HMCN2: variants seen among roughly 807,000 people sequenced by gnomAD.
HMCN2 encodes the protein hemicentin 2.
HMCN2 carries 325 observed loss-of-function variants against 377.5 expected under a neutral mutation model. The ratio of observed to expected loss-of-function variants is 0.86; its 90% CI spans 0.79 to 0.94. HMCN2 has a LOEUF of 0.94. Ranked by LOEUF, HMCN2 falls within the 40% of genes least tolerant of loss-of-function variation. The probability of loss-of-function intolerance (pLI) is 0.00; values close to 1 mark genes in which losing one functional copy is unlikely to be tolerated. For missense variants in HMCN2, 4,543 were observed against 4,725.3 expected (o/e 0.96, Z 1.13); for synonymous variants, 2,007 against 2,046.8 (o/e 0.98, Z 0.53).
intron 25 of HMCN2, among the ~76,000 whole-genome samples, chr9:130,345,289 ACG>A: frequency 8.8e-6 from 1 of 113,640 alleles, no homozygotes; most frequent in Middle Eastern, 8.9e-3. Flanking sequence ...TATGGTGTGT[ACG>A]TGGTGTGTGG....
intron 7 of HMCN2, among the ~76,000 whole-genome samples, chr9:130,298,824 A>G (rs1349314125): frequency 1.3e-5 from 2 of 152,112 alleles, no homozygotes; most frequent in Non-Finnish European, 2.9e-5. Flanking sequence ...GTGTTTCAGC[A>G]CCACGGACAG....
chr9:130,287,329 G>A (rs541782625), intron 4 of HMCN2, among the ~76,000 whole-genome samples: 7 of 151,832 alleles, frequency 4.6e-5, no homozygotes, highest in African/African-American at 7.3e-5. Flanking sequence ...GCTCCTCCCC[G>A]CCCGGGGCCT....
Position 130,354,918 on chromosome 9 carries a change from C to A in HMCN2, c.5020C>A (p.Arg1674=), listed in dbSNP as rs1481006817. ...GCCCGTGGCAGAGAGCAACGAGTCG[C>A]GGCTGGAGACAGACGGGAGTGTGCT... The part of the protein sequence containing the change: ...GLPVAESNES[R]LETDGSVLRL... Residue 1674 remains arginine (R), a synonymous_variant, in exon 32 of 98, where the codon CGG becomes AGG. Coordinates refer to ENST00000683500, the MANE Select transcript of HMCN2 (RefSeq NM_001291815.2). The A allele has an allele frequency of 7.7e-7, 1 of 1,304,024 alleles. No individual in the cohort carries two copies. The highest frequency in any genetic ancestry group is 2.3e-5 in the Admixed American group (1 of 43,578). 80.8% of individuals were successfully genotyped at this position (1,304,024 alleles called of 1,614,324 possible). A position where few individuals can be genotyped will look rare whatever the true frequency, so the allele number is the denominator to read the frequency against.
intron 2 of HMCN2, 67 bp downstream of exon 2, chr9:130,284,740 G>A: frequency 4.3e-6 from 2 of 466,624 alleles, no homozygotes; most frequent in African/African-American, 2.0e-5. Flanking sequence ...GTTTGGGGAG[G>A]TAGCTTCGAG....
In HMCN2 at chr9:130,281,371, G is replaced by A. The variant is rs190936131; in HGVS notation, c.260-3232G>A. On this transcript the variant is annotated intron_variant, in intron 1 of 97. Transcript: ENST00000683500. ...AGCACTTTGGGAGGCCGAGGCAAGT[G>A]TATCACATGAGTCCAAGAGTTTGAG... 6.6e-4 allele frequency among the ~76,000 whole-genome samples: 101 copies of A among 152,228 alleles called. 1 individual carries two copies. Among genetic ancestry groups the A allele is most frequent in the Middle Eastern group, 3.4e-3 (1 of 294 alleles).
Position 130,303,154 on chromosome 9 carries a change from C to T in HMCN2, c.1421+153C>T, listed in dbSNP as rs1554935170. On this transcript the variant is annotated intron_variant, in intron 9 of 97. Transcript: ENST00000683500. The surrounding 1 kb of genome is among the most constrained non-coding windows in gnomAD (Gnocchi z 5.2). ...CCCAGCCTGGGACTTCCAGTGCAGC[C>T]AGGGATGGAGAGGAGTTTTTCCGAG... 6.6e-6 allele frequency among the ~76,000 whole-genome samples: 1 copy of T among 152,140 alleles called. No individual in the cohort carries two copies. Among genetic ancestry groups the T allele is most frequent in the Non-Finnish European group, 1.5e-5 (1 of 68,022 alleles).
intron 62 of HMCN2, among the ~76,000 whole-genome samples, chr9:130,389,194 T>C (rs1842173878): frequency 6.6e-6 from 1 of 152,172 alleles, no homozygotes; most frequent in Non-Finnish European, 1.5e-5. Context: ...CTGTGCTGGC[T>C]CCTCGAACCT....
At chr9:130,399,443 C>T in intron 75 of HMCN2, 68 bp from the exon 76 acceptor site, 1 of 1,198,082 alleles carries the variant, frequency 8.3e-7, no homozygotes, top group South Asian at 1.5e-5. Flanking sequence ...GAGACCCCCA[C>T]AGCCAGAAAG....
At chr9:130,374,771 C>A in intron 49 of HMCN2, 78 bp downstream of exon 49, 2 of 700,344 alleles carry the variant, frequency 2.9e-6, no homozygotes, top group Non-Finnish European at 3.5e-6. Flanking sequence ...TTACAGACAA[C>A]TTCCCACAAA....
intron 1 of HMCN2, among the ~76,000 whole-genome samples, chr9:130,268,081 T>A (rs1039894002): frequency 5.3e-5 from 8 of 152,184 alleles, no homozygotes; most frequent in Admixed American, 1.3e-4. Context: ...TAACCCACAT[T>A]TGTCTCTGAA....
At chr9:130,284,388 G>A (rs1554926799) in intron 1 of HMCN2, among the ~76,000 whole-genome samples, 2 of 152,164 alleles carry the variant, frequency 1.3e-5, no homozygotes, top group African/African-American at 4.8e-5. Context: ...TGGAGCTCGG[G>A]TCCTGCTTTG....
chr9:130,312,620 G>T (rs1261700568), intron 15 of HMCN2, among the ~76,000 whole-genome samples: 10 of 57,960 alleles, frequency 1.7e-4, no homozygotes, highest in African/African-American at 1.3e-4. Context: ...TTCTTTCTCT[G>T]TCTCTCTCTT....
rs191691654 is a variant in HMCN2 at position 130,369,246 on chromosome 9, C to T, written c.6788-324C>T. Reference sequence around the variant, plus strand: ...TCAACATCTTGAGGAGAAACCCACCCGTAGAATAATTTCCCACCCCTAACC... The same window carrying T: ...TCAACATCTTGAGGAGAAACCCACCTGTAGAATAATTTCCCACCCCTAACC... On this transcript the variant is annotated intron_variant, in intron 44 of 97. Coordinates refer to ENST00000683500, the MANE Select transcript of HMCN2 (RefSeq NM_001291815.2). This position sits in a 1 kb window ranked among gnomAD's most constrained non-coding sequence, Gnocchi z 4.5. 4.4e-4 allele frequency among the ~76,000 whole-genome samples: 67 copies of T among 152,268 alleles called. No individual in the cohort carries two copies. In the East Asian group the frequency reaches 0.012, roughly 27 times the overall value.
Position 130,399,577 on chromosome 9 carries a change from C to A in HMCN2, c.11550C>A (p.Cys3850Ter), listed in dbSNP as rs534082172. 7.8e-7 allele frequency: 1 copy of A among 1,289,578 alleles called. No individual in the cohort carries two copies. The highest frequency in any genetic ancestry group is 5.5e-5 in the East Asian group (1 of 18,030). 79.9% of individuals were successfully genotyped at this position (1,289,578 alleles called of 1,614,324 possible). ...PGPQDSAQFE[C>*]VVSNEVGEAH... The stretch of plus-strand genomic sequence containing the variant: ...CCCAGGACTCAGCCCAGTTTGAATG[C>A]GTGGTGAGCAATGAGGTGGGCGAGG... Residue 3850 changes from cysteine to a stop codon, truncating the protein, a stop_gained, in exon 76 of 98, where the codon TGC (cysteine) becomes TGA (stop). Coordinates refer to ENST00000683500, the MANE Select transcript of HMCN2 (RefSeq NM_001291815.2). LOFTEE classifies it high-confidence loss of function.
chr9:130,404,613 G>T, intron 80 of HMCN2, among the ~76,000 whole-genome samples: 1 of 152,270 alleles, frequency 6.6e-6, no homozygotes, highest in Non-Finnish European at 1.5e-5. Context: ...CTGTGTGTGT[G>T]CGTGTATATG....
At position 130,394,637 on chromosome 9, in the gene HMCN2, T is replaced by C; in HGVS notation, c.10692+62T>C. On this transcript the variant is annotated intron_variant, in intron 69 of 97. Transcript: ENST00000683500. This position sits in a 1 kb window ranked among gnomAD's most constrained non-coding sequence, Gnocchi z 5.1. ...TGGGGGAGAGGGGAGGGACTGCAGG[T>C]TCCCCAGACCCAGTGGGCAGTTGAC... 8.4e-7 allele frequency: 1 copy of C among 1,190,256 alleles called. No individual in the cohort carries two copies. Among genetic ancestry groups the C allele is most frequent in the Non-Finnish European group, 1.1e-6 (1 of 921,684 alleles). The allele number at this position is 1,190,256 out of a possible 1,614,324, so 73.7% of individuals were successfully genotyped here. A position where few individuals can be genotyped will look rare whatever the true frequency, so the allele number is the denominator to read the frequency against.
chr9:130,383,447 G>A (rs1056272918), intron 56 of HMCN2, 57 bp from the exon 57 acceptor site: 2 of 764,142 alleles, frequency 2.6e-6, no homozygotes, highest in Admixed American at 6.3e-5. Context: ...ATTCCTGGGG[G>A]TGGTGGTGTC....
chr9:130,298,334 G>A (rs1452130872), intron 7 of HMCN2, among the ~76,000 whole-genome samples: 4 of 152,112 alleles, frequency 2.6e-5, no homozygotes, highest in Non-Finnish European at 4.4e-5. Context: ...AGACCAGCCT[G>A]GACAACACAG....
chr9:130,384,947 A>G, intron 59 of HMCN2, 149 bp downstream of exon 59: 1 of 423,838 alleles, frequency 2.4e-6, no homozygotes, highest in Non-Finnish European at 4.3e-6. Context: ...GAGGAGGGGG[A>G]GCAGTGGGAC....
Sources: gnomAD v4.1 joint callset for allele counts (sites outside exome capture counted in the v4.1 genomes callset) on GRCh38, gnomAD v4.1.1 for gene constraint, Gnocchi (gnomAD v3.1) non-coding constraint, MANE v1.5 for transcripts, NCBI Gene and HGNC (gene_info 2026-07-23, HGNC 2026-07-21) for gene names.